The following STYXL2 variants were observed in gnomAD, a reference collection of about 807,000 sequenced individuals.
STYXL2 encodes serine/threonine/tyrosine-interacting-like protein 2.
A neutral mutation model predicts 52.4 loss-of-function variants in STYXL2; 44 were observed. The ratio of observed to expected loss-of-function variants is 0.84; its 90% confidence interval spans 0.66 to 1.08. The LOEUF (loss-of-function observed/expected upper bound fraction) is 1.08, where lower values mean the gene tolerates loss of function less well. Among genes scored for constraint, STYXL2 ranks in the 50% least tolerant of loss-of-function variants. The pLI is 0.00. For synonymous variants in STYXL2, 604 were observed against 586.9 expected (o/e 1.03, Z -0.42); for missense variants, 1,604 against 1,471.7 (o/e 1.09, Z -1.47).
intron 2 of STYXL2, among the ~76,000 whole-genome samples, chr1:167,097,403 T>C (rs989053448): frequency 1.3e-5 from 2 of 152,248 alleles, no homozygotes; most frequent in African/African-American, 4.8e-5. Context: ...CTCAAAGTTC[T>C]TTCCTAGATA....
At chr1:167,124,361 A>G (rs1667919262) in intron 5 of STYXL2, among the ~76,000 whole-genome samples, 1 of 152,222 alleles carries the variant, frequency 6.6e-6, no homozygotes, top group African/African-American at 2.4e-5. Flanking sequence ...CTGCAAAGAT[A>G]TAATACTGAA....
Position 167,120,761 on chromosome 1 carries a change from C to T in STYXL2, c.655+1295C>T, listed in dbSNP as rs142161265. 3.1e-3 allele frequency among the ~76,000 whole-genome samples: 452 copies of T among 146,792 alleles called. 1 individual carries two copies. Among genetic ancestry groups the T allele is most frequent in the African/African-American group, 0.01 (408 of 40,312 alleles). On this transcript the variant is annotated intron_variant, in intron 5 of 5. Transcript: ENST00000361200. Reference sequence around the variant, plus strand: ...CCTCCCAAAGTGCTGAGATTACAGGCGTGAACCACCATGCCTGGCCAAATA... The same window carrying T: ...CCTCCCAAAGTGCTGAGATTACAGGTGTGAACCACCATGCCTGGCCAAATA...
rs1040937175 is a variant in STYXL2, at chr1:167,125,486, C to T, written c.656-301C>T. On this transcript the variant is annotated intron_variant, in intron 5 of 5. Transcript: ENST00000361200. Reference sequence around the variant, plus strand: ...GCTTCTCATTCCTTTTCTGCTTTATCACCCTTCCCCCTGTTCTTGTATTTC... The same window carrying T: ...GCTTCTCATTCCTTTTCTGCTTTATTACCCTTCCCCCTGTTCTTGTATTTC... 2.9e-4 allele frequency among the ~76,000 whole-genome samples: 44 copies of T among 152,186 alleles called. 1 individual carries two copies. The highest frequency in any genetic ancestry group is 1.5e-4 in the Non-Finnish European group (10 of 68,026).
chr1:167,117,234 G>A, intron 3 of STYXL2, 94 bp from the exon 4 acceptor site: 1 of 1,154,576 alleles, frequency 8.7e-7, no homozygotes, highest in Non-Finnish European at 1.2e-6. Flanking sequence ...CCAGAATCCT[G>A]GCAGCAAACT....
At chr1:167,116,637 C>CTTTT (rs1458043342) in intron 3 of STYXL2, among the ~76,000 whole-genome samples, 1 of 123,866 alleles carries the variant, frequency 8.1e-6, no homozygotes. Flanking sequence ...AATACTTCTA[C>CTTTT]TTTTTTTTTT....
chr1:167,100,757 G>A (rs1667387127), intron 2 of STYXL2, among the ~76,000 whole-genome samples: 1 of 152,144 alleles, frequency 6.6e-6, no homozygotes, highest in South Asian at 2.1e-4. Context: ...TGGTTTTAAT[G>A]CGCTTCTTGG....
intron 5 of STYXL2, among the ~76,000 whole-genome samples, chr1:167,121,884 GT>G (rs1667864457): frequency 6.6e-6 from 1 of 152,210 alleles, no homozygotes; most frequent in Admixed American, 6.5e-5. Context: ...TGCTGTGCTT[GT>G]TGCTTTTGTG....
chr1:167,114,803 T>TCCAAGATATCTTGTC lies in STYXL2; in HGVS notation c.205+1013_205+1027dup, dbSNP rs1245172348. ...ATACCTGGGGTCTCTGTTGTCTTGC[T>TCCAAGATATCTTGTC]CCAAGATATCTTGTCCCAAGATATC... On this transcript the variant is annotated intron_variant, in intron 3 of 5. Transcript: ENST00000361200. 3.9e-5 allele frequency among the ~76,000 whole-genome samples: 6 copies of TCCAAGATATCTTGTC among 152,286 alleles called. No homozygotes were observed. In the East Asian group the frequency reaches 1.2e-3, roughly 29 times the overall value.
intron 2 of STYXL2, among the ~76,000 whole-genome samples, chr1:167,099,536 AAAATTTAAAATCAGGGATTC>A (rs984957849): frequency 1.3e-5 from 2 of 152,268 alleles, no homozygotes; most frequent in African/African-American, 4.8e-5. Context: ...GATCAATTAA[AAAATTTAAAATCAGGGATTC>A]AAATTAAAAT....
intron 2 of STYXL2, among the ~76,000 whole-genome samples, chr1:167,108,787 C>A (rs948513702): frequency 3.3e-5 from 5 of 152,086 alleles, no homozygotes; most frequent in African/African-American, 1.2e-4. Flanking sequence ...ATTCACAGAC[C>A]CTTTCAAAGA....
chr1:167,118,769 C>A (rs991159842), intron 4 of STYXL2, among the ~76,000 whole-genome samples: 4 of 152,142 alleles, frequency 2.6e-5, no homozygotes, highest in African/African-American at 4.8e-5. Context: ...GTTTTATAAT[C>A]TTCAAATGGG....
At chr1:167,108,456 C>A (rs895485373) in intron 2 of STYXL2, among the ~76,000 whole-genome samples, 1 of 152,138 alleles carries the variant, frequency 6.6e-6, no homozygotes, top group African/African-American at 2.4e-5. Context: ...TCCCCAATAA[C>A]GTTTGTTTGA....
chr1:167,104,166 G>T (rs918886986), intron 2 of STYXL2, among the ~76,000 whole-genome samples: 3 of 151,132 alleles, frequency 2.0e-5, no homozygotes, highest in East Asian at 3.9e-4. Flanking sequence ...ACCTCTGCCC[G>T]TCCCCCCACC....
intron 3 of STYXL2, among the ~76,000 whole-genome samples, chr1:167,116,904 C>A (rs1220934355): frequency 1.3e-5 from 2 of 152,148 alleles, no homozygotes; most frequent in Non-Finnish European, 2.9e-5. Flanking sequence ...CCCACCTTGG[C>A]CTCCCAAAGT....
In STYXL2 at chr1:167,126,690, A is replaced by G; in HGVS notation, c.1559A>G (p.Glu520Gly). The change falls in exon 6 of 6, where the codon GAG (glutamate) becomes GGG (glycine). Residue 520 changes from glutamate (E) to glycine (G), a missense_variant. Glu to Gly is a moderately conservative substitution (Grantham distance 98). Coordinates refer to ENST00000361200, the MANE Select transcript of STYXL2 (RefSeq NM_001080426.3). ...EAGSRVREDD[E>G]DSVGSEASSF... ...GGGAGCAGGGTGCGGGAGGATGATG[A>G]GGACAGCGTGGGCTCTGAGGCCAGT... 2 of 1,614,198 alleles carry G rather than the reference A, an allele frequency of 1.2e-6. No homozygotes were observed. The highest frequency in any genetic ancestry group is 1.7e-6 in the Non-Finnish European group (2 of 1,180,036).
At chr1:167,100,157 C>G (rs992011022) in intron 2 of STYXL2, among the ~76,000 whole-genome samples, 1 of 152,204 alleles carries the variant, frequency 6.6e-6, no homozygotes, top group African/African-American at 2.4e-5. Flanking sequence ...GCAAAAGAGA[C>G]CAAATGCAAG....
chr1:167,125,895 T>C lies in STYXL2; in HGVS notation c.764T>C (p.Val255Ala), dbSNP rs751722010. The change falls in exon 6 of 6, where the codon GTG becomes GCG. Residue 255 changes from valine to alanine, a missense_variant. By Grantham distance (64) the Val-to-Ala change is moderately conservative (BLOSUM62 0). Coordinates refer to ENST00000361200, the MANE Select transcript of STYXL2 (RefSeq NM_001080426.3). ...GCCATCCTGGAGGCTTTGATGACCG[T>C]GCGTAAGAAGCGGGCCATCTACCCC... ...NMAILEALMT[V>A]RKKRAIYPNE... The C allele has an allele frequency of 4.3e-6, 7 of 1,614,128 alleles. No homozygotes were observed. In the South Asian group the frequency reaches 7.7e-5, roughly 18 times the overall value.
intron 2 of STYXL2, among the ~76,000 whole-genome samples, chr1:167,109,650 C>A (rs1172764195): frequency 6.6e-6 from 1 of 152,196 alleles, no homozygotes; most frequent in Non-Finnish European, 1.5e-5. Flanking sequence ...CCTCACCCAT[C>A]ACCTGAGAAA....
intron 2 of STYXL2, among the ~76,000 whole-genome samples, chr1:167,106,975 AT>A (rs1434204220): frequency 1.3e-5 from 2 of 152,134 alleles, no homozygotes; most frequent in Non-Finnish European, 2.9e-5. Context: ...CAATAATTTC[AT>A]TTTGCTCCCC....
Sources: gnomAD v4.1 joint callset for allele counts (sites outside exome capture counted in the v4.1 genomes callset) on GRCh38, gnomAD v4.1.1 for gene constraint, MANE v1.5 for transcripts, NCBI Gene and HGNC (gene_info 2026-07-23, HGNC 2026-07-21) for gene names.